FSD1L: variants seen among roughly 807,000 people sequenced by gnomAD.
FSD1L encodes the protein FSD1-like protein.
A neutral mutation model predicts 71.6 loss-of-function variants in FSD1L; 45 were observed. The ratio of observed to expected loss-of-function variants is 0.63; its 90% CI spans 0.49 to 0.81. FSD1L has a LOEUF of 0.81. Among genes scored for constraint, FSD1L ranks in the 30% least tolerant of loss-of-function variants. The probability of loss-of-function intolerance (pLI) is 0.00; values close to 1 mark genes in which losing one functional copy is unlikely to be tolerated. For missense variants in FSD1L, 561 were observed against 618.1 expected (o/e 0.91, Z 0.98); for synonymous variants, 197 against 207.2 (o/e 0.95, Z 0.42).
At chr9:105,516,861 T>C (rs1222812579) in intron 10 of FSD1L, among the ~76,000 whole-genome samples, 1 of 151,984 alleles carries the variant, frequency 6.6e-6, no homozygotes, top group African/African-American at 2.4e-5. Context: ...AGAAGGTGGG[T>C]AATAACAAAC....
chr9:105,496,247 A>G (rs1317102391), intron 7 of FSD1L, among the ~76,000 whole-genome samples: 1 of 120,412 alleles, frequency 8.3e-6, no homozygotes, highest in African/African-American at 3.2e-5. Flanking sequence ...TGTGTCGCCC[A>G]GGCTGGAGTG....
chr9:105,476,798 G>A (rs549964969), intron 5 of FSD1L, among the ~76,000 whole-genome samples: 2 of 152,158 alleles, frequency 1.3e-5, no homozygotes, highest in East Asian at 1.9e-4. Flanking sequence ...TCCAATTTAA[G>A]ACATTTCTTG....
At chr9:105,471,745 T>TATATATATAA (rs1457490113) in intron 4 of FSD1L, among the ~76,000 whole-genome samples, 159 bp from the exon 5 acceptor site, 1 of 147,054 alleles carries the variant, frequency 6.8e-6, no homozygotes, top group Non-Finnish European at 1.5e-5. Context: ...TATATATATA[T>TATATATATAA]AACTTGATTA....
chr9:105,525,245 A>T (rs1326338131), intron 10 of FSD1L: 2 of 1,603,250 alleles, frequency 1.2e-6, no homozygotes, highest in Non-Finnish European at 1.7e-6. Context: ...AGATTTAGAG[A>T]AACTGTACCA....
intron 10 of FSD1L, among the ~76,000 whole-genome samples, chr9:105,527,603 C>T (rs942118412): frequency 2.2e-4 from 34 of 151,186 alleles, no homozygotes; most frequent in African/African-American, 5.4e-4. Context: ...ACTGGCAAGC[C>T]GTAAAATATA....
intron 7 of FSD1L, among the ~76,000 whole-genome samples, chr9:105,491,553 G>A (rs1832941075): frequency 6.6e-6 from 1 of 152,120 alleles, no homozygotes; most frequent in African/African-American, 2.4e-5. Context: ...GGAGTGGTGA[G>A]AGAGGGCATC....
At chr9:105,495,702 C>T (rs10991675) in intron 7 of FSD1L, among the ~76,000 whole-genome samples, 19,032 of 152,224 alleles carry the variant, frequency 0.13, 1,525 homozygotes, top group Admixed American at 0.23. Flanking sequence ...TTGGGCCGGG[C>T]GCGGTGGCTC....
intron 7 of FSD1L, among the ~76,000 whole-genome samples, chr9:105,504,731 A>T (rs1037661914): frequency 2.6e-5 from 4 of 152,198 alleles, no homozygotes; most frequent in African/African-American, 9.6e-5. Flanking sequence ...TATAATACCT[A>T]ATACAATGTA....
rs1030446853 is a variant in FSD1L, at chr9:105,545,337, G to T, written c.1468-1021G>T. On this transcript the variant is annotated intron_variant, in intron 13 of 13. Transcript: ENST00000481272. Reference sequence around the variant, plus strand: ...GGAGATTTTGGGCTGAGACAATGGGGTTTTCTAGATATACAATCATGTCAT... The same window carrying T: ...GGAGATTTTGGGCTGAGACAATGGGTTTTTCTAGATATACAATCATGTCAT... Among the ~76,000 whole-genome samples, 60 of 146,110 alleles carry T rather than the reference G, an allele frequency of 4.1e-4. 4 individuals carry two copies. Among genetic ancestry groups the T allele is most frequent in the Non-Finnish European group, 7.7e-4 (52 of 67,234 alleles).
intron 11 of FSD1L, among the ~76,000 whole-genome samples, 186 bp from the exon 12 acceptor site, chr9:105,534,881 A>G (rs1455547177): frequency 6.6e-6 from 1 of 152,240 alleles, no homozygotes; most frequent in Non-Finnish European, 1.5e-5. Context: ...CAAGAATAGT[A>G]CTAAACGTAA....
chr9:105,493,514 T>C (rs1833109473), intron 7 of FSD1L, among the ~76,000 whole-genome samples: 2 of 152,190 alleles, frequency 1.3e-5, no homozygotes, highest in South Asian at 4.2e-4. Flanking sequence ...AAGGTTAATA[T>C]TGTTATGTGT....
In FSD1L at chr9:105,549,259, C is replaced by A. The variant is rs1239996567; in HGVS notation, c.*2776C>A. On this transcript the variant is annotated 3_prime_UTR_variant, in exon 14 of 14. Transcript: ENST00000481272. ...TTAGTATGGCATTCTCTTTTAGCAA[C>A]TGAATTCCCAACGAGTTTTATTAAG... The A allele has an allele frequency of 6.6e-6, 1 of 151,988 alleles. No homozygotes were observed. Among genetic ancestry groups the A allele is most frequent in the Non-Finnish European group, 1.5e-5 (1 of 67,922 alleles). The allele number at this position is 151,988 out of a possible 1,614,324, so 9.4% of individuals were successfully genotyped here. A position where few individuals can be genotyped will look rare whatever the true frequency, so the allele number is the denominator to read the frequency against.
chr9:105,494,497 A>G (rs1168135358), intron 7 of FSD1L, among the ~76,000 whole-genome samples: 1 of 152,114 alleles, frequency 6.6e-6, no homozygotes, highest in African/African-American at 2.4e-5. Flanking sequence ...TTCTTCTCTC[A>G]ACTCGTCAAA....
chr9:105,537,371 T>C (rs1589106974), intron 12 of FSD1L, among the ~76,000 whole-genome samples: 1 of 152,260 alleles, frequency 6.6e-6, no homozygotes, highest in Non-Finnish European at 1.5e-5. Context: ...TTTTTTGTTT[T>C]TTAACTTATT....
At chr9:105,525,629 G>A (rs1214744962) in intron 10 of FSD1L, 1 of 1,612,196 alleles carries the variant, frequency 6.2e-7, no homozygotes, top group Admixed American at 1.7e-5. Flanking sequence ...AAGCTACTTA[G>A]AGAACTTAGG....
chr9:105,509,060 G>A (rs1480395309), intron 9 of FSD1L, among the ~76,000 whole-genome samples: 1 of 152,112 alleles, frequency 6.6e-6, no homozygotes, highest in East Asian at 1.9e-4. Flanking sequence ...ATCAATATTG[G>A]GGAAGTATCT....
rs1319673322 is a variant in FSD1L at position 105,550,584 on chromosome 9, A to G, written c.*4101A>G. On this transcript the variant is annotated 3_prime_UTR_variant, in exon 14 of 14. Coordinates refer to ENST00000481272, the MANE Select transcript of FSD1L (RefSeq NM_001145313.3). Reference sequence around the variant, plus strand: ...ATTATTTGTGATCCTGATATGTCACATATAATAGCTTTGTTACCTGGAGTA... The same window carrying G: ...ATTATTTGTGATCCTGATATGTCACGTATAATAGCTTTGTTACCTGGAGTA... 1 of 152,062 alleles carries G rather than the reference A, an allele frequency of 6.6e-6. No homozygotes were observed. Among genetic ancestry groups the G allele is most frequent in the East Asian group, 1.9e-4 (1 of 5,196 alleles). 9.4% of individuals were successfully genotyped at this position (152,062 alleles called of 1,614,324 possible).
At chr9:105,520,582 T>C in intron 10 of FSD1L, 1 of 1,427,278 alleles carries the variant, frequency 7.0e-7, no homozygotes, top group Non-Finnish European at 9.9e-7. Context: ...TAATATTGGA[T>C]TGATTTAAAG....
At chr9:105,496,202 C>CTTTTTTTTTTT (rs542818608) in intron 7 of FSD1L, among the ~76,000 whole-genome samples, 1 of 113,222 alleles carries the variant, frequency 8.8e-6, no homozygotes. Flanking sequence ...ATGACTGTAG[C>CTTTTTTTTTTT]TTTTTTTTTT....
Sources: allele counts gnomAD v4.1 joint callset (sites outside exome capture counted in the v4.1 genomes callset), GRCh38; gene constraint gnomAD v4.1.1; transcripts MANE v1.5; gene names NCBI Gene and HGNC (gene_info 2026-07-23, HGNC 2026-07-21).